Variants in SEC23A observed in about 807,000 individuals in gnomAD.
The protein encoded by SEC23A is SEC23 homolog A, COPII component, also known as protein transport protein Sec23A.
In SEC23A, 56 loss-of-function variants were observed where a neutral mutation model predicts 103.7. The ratio of observed to expected loss-of-function variants is 0.54; its 90% CI spans 0.44 to 0.67. The LOEUF (loss-of-function observed/expected upper bound fraction) is 0.67. Ranked by LOEUF, SEC23A falls within the 30% of genes least tolerant of loss-of-function variation. The pLI, the probability that SEC23A is intolerant of heterozygous loss-of-function variation, is 0.00. For missense variants in SEC23A, 784 were observed against 936.4 expected, an observed-to-expected ratio of 0.84 and a Z score of 2.12; for synonymous variants, 281 against 293.0, an observed-to-expected ratio of 0.96 and a Z score of 0.42.
chr14:39,058,706 A>G (rs2139219320), intron 13 of SEC23A, among the ~76,000 whole-genome samples: 1 of 152,374 alleles, frequency 6.6e-6, no homozygotes, highest in South Asian at 2.1e-4. Flanking sequence ...AGTAAACAGT[A>G]AGAAGCAAAA....
At chr14:39,044,201 T>C (rs1054028271) in intron 16 of SEC23A, among the ~76,000 whole-genome samples, 2 of 152,142 alleles carry the variant, frequency 1.3e-5, no homozygotes, top group Non-Finnish European at 2.9e-5. Context: ...TGAAATTTAA[T>C]AGGAGCAGGC....
chr14:39,055,211 T>C lies in SEC23A; in HGVS notation c.1591A>G (p.Ile531Val). 1.2e-6 allele frequency: 2 copies of C among 1,614,200 alleles called. No individual in the cohort carries two copies. Among genetic ancestry groups the C allele is most frequent in the Non-Finnish European group, 1.7e-6 (2 of 1,180,030 alleles). ...AAAILMARLA[I>V]YRAETEEGPD... is the part of the protein sequence containing the mutation. ...CCTTCTTCTGTTTCTGCTCTATATA[T>C]TGCTAGCCGGGCCATAAGAATGGCA... is the stretch of plus-strand genomic sequence containing the variant. Residue 531 changes from isoleucine to valine, a missense_variant, in exon 14 of 20, where the codon ATA (isoleucine) becomes GTA (valine). Physicochemically the swap from Ile to Val is conservative, Grantham distance 29. Around this residue, in one of 2 missense-constraint regions of SEC23A, gnomAD observed 683 missense variants for 774.2 expected, o/e 0.88. Coordinates refer to ENST00000307712, the MANE Select transcript of SEC23A (RefSeq NM_006364.4).
chr14:39,081,814 T>C (rs895318960), intron 7 of SEC23A, among the ~76,000 whole-genome samples: 3 of 152,190 alleles, frequency 2.0e-5, no homozygotes, highest in Non-Finnish European at 4.4e-5. Context: ...CAGACATATA[T>C]GCACACACAT....
rs1885328804 is a variant in SEC23A at position 39,032,224 on chromosome 14, T to C, written c.*1015A>G. The C allele has an allele frequency of 6.6e-6, 1 of 152,626 alleles. No homozygotes were observed. Among genetic ancestry groups the C allele is most frequent in the Admixed American group, 6.5e-5 (1 of 15,282 alleles). 9.5% of individuals were successfully genotyped at this position (152,626 alleles called of 1,614,324 possible). On this transcript the variant is annotated 3_prime_UTR_variant, in exon 20 of 20. Coordinates refer to ENST00000307712, the MANE Select transcript of SEC23A (RefSeq NM_006364.4). ...AGTAAACTTTAAAGGTAAAAGTGAA[T>C]ACTAATGAATAAATCAAAATAGAAC...
chr14:39,045,375 G>A (rs1419718737), intron 15 of SEC23A, 51 bp from the exon 16 acceptor site: 6 of 1,409,352 alleles, frequency 4.3e-6, no homozygotes, highest in Non-Finnish European at 5.0e-6. Flanking sequence ...TATTAAAACA[G>A]GTGTTTACTA....
At chr14:39,100,354 G>A (rs1474479656) in intron 1 of SEC23A, among the ~76,000 whole-genome samples, 2 of 151,866 alleles carry the variant, frequency 1.3e-5, no homozygotes, top group Non-Finnish European at 2.9e-5. Flanking sequence ...AAATTTGCCA[G>A]GCTTAGTCCC....
chr14:39,062,394 G>C (rs1370929726), intron 12 of SEC23A, among the ~76,000 whole-genome samples: 1 of 152,044 alleles, frequency 6.6e-6, no homozygotes. Context: ...GAAAGTTCCA[G>C]ATTTTGAAAC....
intron 14 of SEC23A, among the ~76,000 whole-genome samples, chr14:39,054,638 AT>A (rs1044214789): frequency 6.6e-6 from 1 of 150,416 alleles, no homozygotes; most frequent in African/African-American, 2.4e-5. Flanking sequence ...TGCCTGGCCA[AT>A]TTTTTTTTGG....
intron 15 of SEC23A, chr14:39,047,523 AGAGCAGCTCTG>A: frequency 5.9e-6 from 3 of 506,850 alleles, no homozygotes; most frequent in Non-Finnish European, 8.9e-6. Flanking sequence ...AAAAAAAAAC[AGAGCAGCTCTG>A]AAAAAGAAAG....
rs527839892 is a variant in SEC23A at position 39,056,499 on chromosome 14, G to C, written c.1506-1203C>G. Among the ~76,000 whole-genome samples, 5 of 146,162 alleles carry C rather than the reference G, an allele frequency of 3.4e-5. No homozygotes were observed. In the South Asian group the frequency reaches 1.1e-3, roughly 31 times the overall value. On this transcript the variant is annotated intron_variant, in intron 13 of 19. Coordinates refer to ENST00000307712, the MANE Select transcript of SEC23A (RefSeq NM_006364.4). ...AGCTTTTTTTTTTTTTTTGGAGACA[G>C]AGTCTTGCTCTGTCACCCAGGCTGG...
intron 7 of SEC23A, among the ~76,000 whole-genome samples, chr14:39,080,292 T>C (rs544543024): frequency 5.9e-5 from 9 of 151,762 alleles, no homozygotes; most frequent in Non-Finnish European, 1.2e-4. Context: ...AAATGAAAAC[T>C]TGGTAAGAGG....
intron 15 of SEC23A, chr14:39,047,539 A>G: frequency 2.5e-6 from 1 of 406,514 alleles, no homozygotes; most frequent in Non-Finnish European, 4.0e-6. Flanking sequence ...GCTCTGAAAA[A>G]GAAAGCTGAT....
At chr14:39,054,401 T>C (rs1886172777) in intron 14 of SEC23A, among the ~76,000 whole-genome samples, 2 of 152,222 alleles carry the variant, frequency 1.3e-5, no homozygotes, top group Admixed American at 6.5e-5. Flanking sequence ...AGCACACGAC[T>C]TGGTAATCTA....
Position 39,067,260 on chromosome 14 carries a change from G to A in SEC23A, c.1140C>T (p.Ser380=), listed in dbSNP as rs766557504. 1 of 1,613,544 alleles carries A rather than the reference G, an allele frequency of 6.2e-7. No homozygotes were observed. Among genetic ancestry groups the A allele is most frequent in the South Asian group, 1.1e-5 (1 of 91,060 alleles). ...YMVMGDSFNT[S]LFKQTFQRVF... is the part of the protein sequence containing the mutation. ...CTCTTTGAAAAGTTTGTTTGAATAA[G>A]GAAGTATTGAAAGAATCACCCATTA... Residue 380 remains serine (S), a synonymous_variant, in exon 10 of 20, where the codon TCC becomes TCT. Coordinates refer to ENST00000307712, the MANE Select transcript of SEC23A (RefSeq NM_006364.4).
chr14:39,074,559 T>A, intron 8 of SEC23A, 29 bp from the exon 9 acceptor site: 1 of 1,376,618 alleles, frequency 7.3e-7, no homozygotes, highest in Non-Finnish European at 1.0e-6. Flanking sequence ...ATTAAAATAA[T>A]ATACAAAATT....
At chr14:39,076,202 GAAATA>G (rs1408304228) in intron 7 of SEC23A, 109 bp from the exon 8 acceptor site, 2 of 896,644 alleles carry the variant, frequency 2.2e-6, no homozygotes, top group Non-Finnish European at 3.4e-6. Flanking sequence ...TATTTTCTAA[GAAATA>G]AAATAATCAA....
At chr14:39,059,275 G>GT (rs1482107408) in intron 13 of SEC23A, among the ~76,000 whole-genome samples, 4 of 24,374 alleles carry the variant, frequency 1.6e-4, no homozygotes, top group Non-Finnish European at 2.8e-4. Context: ...CATAGTCCTA[G>GT]TTTAAAAAAA....
Position 39,048,659 on chromosome 14 carries a change from T to A in SEC23A, c.1730A>T (p.Tyr577Phe). 6.3e-7 allele frequency: 1 copy of A among 1,592,284 alleles called. No individual in the cohort carries two copies. Among genetic ancestry groups the A allele is most frequent in the Middle Eastern group, 1.7e-4 (1 of 6,032 alleles). Residue 577 changes from tyrosine to phenylalanine, a missense_variant, in exon 15 of 20, where the codon TAT (tyrosine) becomes TTT (phenylalanine). This residue lies in a region of SEC23A where 683 missense variants were observed against 774.2 expected (regional missense o/e 0.88). Coordinates refer to ENST00000307712, the MANE Select transcript of SEC23A (RefSeq NM_006364.4). ...SFRFSETFSL[Y>F]PQFMFHLRRS... ...GACCTTTTACCTACTTACCTGTGGA[T>A]AAAGGGAGAAAGTTTCTGAAAATCT...
At position 39,064,903 on chromosome 14, in the gene SEC23A, CA is replaced by C. The variant is rs768456587; in HGVS notation, c.1308+9del. The C allele has an allele frequency of 1.9e-6, 3 of 1,590,698 alleles. No individual in the cohort carries two copies. The highest frequency in any genetic ancestry group is 2.2e-5 in the South Asian group (2 of 90,548). ...TCCTGTATTTTCTTTTTAGAATAAA[CA>C]CAACTTACATTTTCAGACACACAGG... is the stretch of plus-strand genomic sequence containing the variant. On this transcript the variant is annotated intron_variant, in intron 11 of 19. Coordinates refer to ENST00000307712, the MANE Select transcript of SEC23A (RefSeq NM_006364.4).
Sources: allele counts gnomAD v4.1 joint callset (sites outside exome capture counted in the v4.1 genomes callset), GRCh38; gene constraint gnomAD v4.1.1; regional missense constraint gnomAD v4.1.1; transcripts MANE v1.5; gene names NCBI Gene and HGNC (gene_info 2026-07-23, HGNC 2026-07-21).